The following FAM13A variants were observed in gnomAD, a reference collection of about 807,000 sequenced individuals.
FAM13A encodes protein FAM13A.
In FAM13A, 76 loss-of-function variants were observed where a neutral mutation model predicts 129.6. That is an observed-to-expected ratio of 0.59 (90% confidence interval 0.49 to 0.71). FAM13A has a LOEUF of 0.71. FAM13A is among the 30% of genes least tolerant of loss of function. The probability of loss-of-function intolerance (pLI) is 0.00; values close to 1 mark genes in which losing one functional copy is unlikely to be tolerated. For synonymous variants in FAM13A, 443 were observed against 449.9 expected (o/e 0.98, Z 0.20); for missense variants, 1,108 against 1,249.3 (o/e 0.89, Z 1.70).
chr4:88,754,136 C>A (rs574894385), intron 14 of FAM13A, among the ~76,000 whole-genome samples: 1 of 152,282 alleles, frequency 6.6e-6, no homozygotes, highest in South Asian at 2.1e-4. Flanking sequence ...TGCTTTTAGA[C>A]ATGTGTCTTG....
rs953796152 is a variant in FAM13A, at chr4:88,924,035, TG to T, written c.759+14052del. Among the ~76,000 whole-genome samples the T allele has an allele frequency of 7.9e-4, 121 of 152,280 alleles. 1 individual carries two copies. The highest frequency in any genetic ancestry group is 6.3e-3 in the Admixed American group (97 of 15,296). ...CTCTTCAAAGAGAACTACAAACCAC[TG>T]CTCAATGAAATAAAAGAGGATACAA... On this transcript the variant is annotated intron_variant, in intron 5 of 23. Transcript: ENST00000264344.
intron 7 of FAM13A, among the ~76,000 whole-genome samples, chr4:88,850,569 T>A (rs1737398498): frequency 6.6e-6 from 1 of 151,912 alleles, no homozygotes; most frequent in Non-Finnish European, 1.5e-5. Flanking sequence ...AAAAAAAAAT[T>A]GCAGTTTTTT....
chr4:88,866,557 C>T (rs1221063943), intron 6 of FAM13A, among the ~76,000 whole-genome samples: 1 of 152,116 alleles, frequency 6.6e-6, no homozygotes, highest in African/African-American at 2.4e-5. Flanking sequence ...ATTATTAGAT[C>T]TGACCCAACT....
chr4:88,759,261 T>A (rs1744325041), intron 13 of FAM13A: 1 of 179,162 alleles, frequency 5.6e-6, no homozygotes, highest in African/African-American at 2.3e-5. Flanking sequence ...ACCGGGCTAC[T>A]GCTGTTGCTA....
intron 7 of FAM13A, among the ~76,000 whole-genome samples, chr4:88,810,582 A>G (rs1431097571): frequency 6.6e-6 from 1 of 152,132 alleles, no homozygotes; most frequent in Non-Finnish European, 1.5e-5. Flanking sequence ...ATTCAGATAG[A>G]AAAACATGCC....
chr4:88,820,918 C>A (rs1477702725), intron 7 of FAM13A, among the ~76,000 whole-genome samples: 2 of 152,136 alleles, frequency 1.3e-5, no homozygotes, highest in Admixed American at 1.3e-4. Context: ...TTTTACACAT[C>A]CAATTTCAAT....
intron 1 of FAM13A, among the ~76,000 whole-genome samples, chr4:89,054,405 T>C (rs1771971591): frequency 2.0e-5 from 3 of 152,100 alleles, no homozygotes; most frequent in African/African-American, 4.8e-5. Context: ...TTGCTACATA[T>C]ATGTATAAGT....
At chr4:88,943,600 A>G (rs1755142111) in intron 4 of FAM13A, among the ~76,000 whole-genome samples, 1 of 152,226 alleles carries the variant, frequency 6.6e-6, no homozygotes, top group Non-Finnish European at 1.5e-5. Flanking sequence ...TTCTGTAAAC[A>G]ACTGTGATCT....
At chr4:88,994,706 G>A (rs967614613) in intron 3 of FAM13A, among the ~76,000 whole-genome samples, 1 of 152,056 alleles carries the variant, frequency 6.6e-6, no homozygotes, top group South Asian at 2.1e-4. Flanking sequence ...TGGGCATGGT[G>A]GCACATGCCT....
chr4:88,973,003 T>C (rs183050635), intron 4 of FAM13A, among the ~76,000 whole-genome samples: 2 of 152,356 alleles, frequency 1.3e-5, no homozygotes, highest in African/African-American at 2.4e-5. Context: ...TCTTCTTGCA[T>C]GCATTGTTTC....
At chr4:88,766,287 A>T (rs1460301965) in intron 13 of FAM13A, among the ~76,000 whole-genome samples, 3 of 152,186 alleles carry the variant, frequency 2.0e-5, no homozygotes, top group Non-Finnish European at 4.4e-5. Flanking sequence ...TGACAGTATC[A>T]TGGGGAAACA....
At chr4:88,901,256 T>C (rs887209758) in intron 6 of FAM13A, among the ~76,000 whole-genome samples, 3 of 152,210 alleles carry the variant, frequency 2.0e-5, no homozygotes, top group Admixed American at 2.0e-4. Context: ...TTAACAAAGA[T>C]AGTCAAGACC....
intron 4 of FAM13A, among the ~76,000 whole-genome samples, chr4:88,942,508 A>G (rs1754941756): frequency 2.0e-5 from 3 of 152,058 alleles, no homozygotes; most frequent in Non-Finnish European, 4.4e-5. Flanking sequence ...CAGAGGTTGC[A>G]GTGAGCCGAG....
chr4:88,997,691 A>G (rs1270550008), intron 3 of FAM13A, among the ~76,000 whole-genome samples: 1 of 152,188 alleles, frequency 6.6e-6, no homozygotes, highest in East Asian at 1.9e-4. Flanking sequence ...ATGACCATGA[A>G]GTTATACTGT....
chr4:88,881,615 C>T (rs1426403633), intron 6 of FAM13A, among the ~76,000 whole-genome samples: 1 of 151,852 alleles, frequency 6.6e-6, no homozygotes, highest in Non-Finnish European at 1.5e-5. Context: ...GGAATTGATC[C>T]AAAACAAGAA....
chr4:88,950,836 C>G (rs1212191615), intron 4 of FAM13A, among the ~76,000 whole-genome samples: 1 of 152,164 alleles, frequency 6.6e-6, no homozygotes, highest in Non-Finnish European at 1.5e-5. Flanking sequence ...GGGTCAATAA[C>G]TCAATGGTGG....
chr4:89,016,557 A>G (rs892408689), intron 3 of FAM13A, among the ~76,000 whole-genome samples: 2 of 152,210 alleles, frequency 1.3e-5, no homozygotes, highest in African/African-American at 2.4e-5. Context: ...AGCTCCATTC[A>G]TGGTAAATGC....
At chr4:89,006,119 T>C (rs1764972827) in intron 3 of FAM13A, among the ~76,000 whole-genome samples, 4 of 152,206 alleles carry the variant, frequency 2.6e-5, no homozygotes, top group Admixed American at 6.5e-5. Context: ...TTCAGTCTTC[T>C]GAATATGGCT....
intron 3 of FAM13A, among the ~76,000 whole-genome samples, chr4:88,992,792 C>A (rs1422493279): frequency 6.6e-6 from 1 of 152,164 alleles, no homozygotes; most frequent in South Asian, 2.1e-4. Context: ...TATTTTATAA[C>A]AAATACAGCA....
Sources: gnomAD v4.1 joint callset for allele counts (sites outside exome capture counted in the v4.1 genomes callset) on GRCh38, gnomAD v4.1.1 for gene constraint, MANE v1.5 for transcripts, NCBI Gene and HGNC (gene_info 2026-07-23, HGNC 2026-07-21) for gene names.